Variants in FBN2 observed in about 807,000 individuals in gnomAD.
FBN2 encodes the protein fibrillin-2.
Under a neutral mutation model 355.6 loss-of-function variants are expected in FBN2, and 105 were observed. The ratio of observed to expected loss-of-function variants is 0.30; its 90% CI spans 0.25 to 0.35. The LOEUF (loss-of-function observed/expected upper bound fraction) is 0.35. FBN2 is among the 10% of genes least tolerant of loss of function. The pLI is 1.00. For missense variants in FBN2, 3,280 were observed against 3,758.7 expected, an observed-to-expected ratio of 0.87 and a Z score of 3.33; for synonymous variants, 1,350 against 1,301.2, an observed-to-expected ratio of 1.04 and a Z score of -0.81.
intron 8 of FBN2, among the ~76,000 whole-genome samples, chr5:128,407,637 C>A (rs1481759588): frequency 6.6e-6 from 1 of 152,148 alleles, no homozygotes; most frequent in Non-Finnish European, 1.5e-5. Context: ...ATTCTGAAGG[C>A]AGGATTTGTA....
At chr5:128,418,098 C>T (rs1017326605) in intron 7 of FBN2, among the ~76,000 whole-genome samples, 40 of 152,176 alleles carry the variant, frequency 2.6e-4, no homozygotes, top group African/African-American at 9.1e-4. Context: ...TCTAGACTTT[C>T]CAGTTTTTTA....
At chr5:128,308,965 CAGTTTAAGATAATG>C (rs2126842581) in intron 41 of FBN2, among the ~76,000 whole-genome samples, 1 of 152,292 alleles carries the variant, frequency 6.6e-6, no homozygotes, top group East Asian at 1.9e-4. Context: ...TTGACAAGCA[CAGTTTAAGATAATG>C]AGTTTAAATG....
rs941121791 is a variant in FBN2 at position 128,452,180 on chromosome 5, C to T, written c.827-5574G>A. On this transcript the variant is annotated intron_variant, in intron 6 of 64. Transcript: ENST00000262464. ...CCTTCAAACTATGCAAGAATTTCTA[C>T]ATCTGCAAAGTCCTATCACAAGCAA... Among the ~76,000 whole-genome samples, 6 of 152,262 alleles carry T rather than the reference C, an allele frequency of 3.9e-5. No individual in the cohort carries two copies. The Middle Eastern group carries it at 0.01, about 259-fold the overall frequency.
chr5:128,293,715 A>T (rs1026378153), intron 48 of FBN2, among the ~76,000 whole-genome samples: 1 of 152,190 alleles, frequency 6.6e-6, no homozygotes, highest in African/African-American at 2.4e-5. Flanking sequence ...CTAGTGGCTG[A>T]CACACTACTT....
Position 128,456,854 on chromosome 5 carries a change from AT to A in FBN2, c.826+7869del, listed in dbSNP as rs377613960. Among the ~76,000 whole-genome samples, 22 of 152,230 alleles carry A rather than the reference AT, an allele frequency of 1.4e-4. No homozygotes were observed. The South Asian group carries it at 4.4e-3, about 30-fold the overall frequency. The stretch of plus-strand genomic sequence containing the variant: ...AACACACAAAGATGAGAAAGAATCA[AT>A]GAAAAAATCCTAAAAACACAAAAGG... On this transcript the variant is annotated intron_variant, in intron 6 of 64. Transcript: ENST00000262464.
intron 38 of FBN2, 54 bp downstream of exon 38, chr5:128,311,831 C>G: frequency 7.3e-7 from 1 of 1,362,982 alleles, no homozygotes; most frequent in Non-Finnish European, 1.1e-6. Flanking sequence ...CAGCTTTTCT[C>G]TATAATTAAC....
Position 128,537,076 on chromosome 5 carries a change from A to G in FBN2, c.254+274T>C, listed in dbSNP as rs73348280. 0.14 allele frequency among the ~76,000 whole-genome samples: 20,828 copies of G among 152,026 alleles called. 2,098 individuals are homozygous for G. The highest frequency in any genetic ancestry group is 0.29 in the African/African-American group (11,904 of 41,456). On this transcript the variant is annotated intron_variant, in intron 1 of 64. Transcript: ENST00000262464. ...ATTCAGAACCTGTTCCCGCAGCGCG[A>G]GCTCTGCACACGCTCTGCGATCGGC...
At chr5:128,275,788 GTTTTA>G (rs1439808559) in intron 59 of FBN2, among the ~76,000 whole-genome samples, 12 of 152,140 alleles carry the variant, frequency 7.9e-5, no homozygotes, top group Admixed American at 3.9e-4. Context: ...CAAAACTTTT[GTTTTA>G]TTTTATTTTT....
chr5:128,261,946 T>C (rs776288328), intron 63 of FBN2, 39 bp from the exon 64 acceptor site: 4 of 1,570,678 alleles, frequency 2.5e-6, no homozygotes, highest in Non-Finnish European at 3.5e-6. Context: ...ACTTTATCAC[T>C]GACTTGACCA....
chr5:128,483,144 A>G (rs1405252784), intron 5 of FBN2, among the ~76,000 whole-genome samples: 3 of 152,130 alleles, frequency 2.0e-5, no homozygotes, highest in Non-Finnish European at 4.4e-5. Flanking sequence ...GGAACAATAG[A>G]CACCAGGGAC....
intron 17 of FBN2, 125 bp downstream of exon 17, chr5:128,366,252 T>C: frequency 3.2e-6 from 1 of 311,438 alleles, no homozygotes; most frequent in Non-Finnish European, 5.1e-6. Context: ...CTCTAGGAGA[T>C]AATTAATCTT....
chr5:128,259,932 G>A, intron 64 of FBN2, 103 bp from the exon 65 acceptor site: 1 of 1,188,434 alleles, frequency 8.4e-7, no homozygotes, highest in Non-Finnish European at 1.2e-6. Context: ...GACAGGCTGT[G>A]GCTTCCCACT....
chr5:128,297,883 C>T (rs1253950939), intron 48 of FBN2, among the ~76,000 whole-genome samples: 19 of 150,306 alleles, frequency 1.3e-4, no homozygotes, highest in South Asian at 1.1e-3. Flanking sequence ...GTCATTATGA[C>T]GTTAGCTGGT....
Position 128,279,776 on chromosome 5 carries a change from A to AT in FBN2, c.7138+415dup, listed in dbSNP as rs1325716233. Among the ~76,000 whole-genome samples the AT allele has an allele frequency of 3.9e-5, 6 of 152,098 alleles. 1 individual carries two copies. The highest frequency in any genetic ancestry group is 4.1e-4 in the South Asian group (2 of 4,830). On this transcript the variant is annotated intron_variant, in intron 56 of 64. Transcript: ENST00000262464. ...TTCCCATAAAAAGGTTTTATAAAAC[A>AT]TTTTTTTCTGTACCACAATATAAAA...
At chr5:128,445,844 C>G (rs756648899) in intron 7 of FBN2, among the ~76,000 whole-genome samples, 1 of 152,064 alleles carries the variant, frequency 6.6e-6, no homozygotes, top group African/African-American at 2.4e-5. Flanking sequence ...ATATATATAA[C>G]AAATAAATTT....
At chr5:128,514,397 C>T (rs1245022771) in intron 5 of FBN2, among the ~76,000 whole-genome samples, 1 of 152,028 alleles carries the variant, frequency 6.6e-6, no homozygotes, top group East Asian at 1.9e-4. Context: ...GTTCCTACTC[C>T]TATTACGGTA....
chr5:128,419,473 C>T (rs190178821), intron 7 of FBN2, among the ~76,000 whole-genome samples: 256 of 152,108 alleles, frequency 1.7e-3, no homozygotes, highest in African/African-American at 5.8e-3. Context: ...AAGTTGAGTA[C>T]GTTCCTTTCT....
At chr5:128,370,730 C>A (rs1751912632) in intron 15 of FBN2, among the ~76,000 whole-genome samples, 1 of 151,924 alleles carries the variant, frequency 6.6e-6, no homozygotes, top group South Asian at 2.1e-4. Flanking sequence ...AGAGCATATG[C>A]CATGCAGAAT....
chr5:128,344,758 T>C (rs1322351467), intron 24 of FBN2, among the ~76,000 whole-genome samples: 4 of 151,540 alleles, frequency 2.6e-5, no homozygotes, highest in Admixed American at 6.6e-5. Context: ...TGGAGTGCAA[T>C]GGCACAATCT....
Sources: allele counts gnomAD v4.1 joint callset (sites outside exome capture counted in the v4.1 genomes callset), GRCh38; gene constraint gnomAD v4.1.1; transcripts MANE v1.5; gene names NCBI Gene and HGNC (gene_info 2026-07-23, HGNC 2026-07-21).